CNTNAP4: variants seen among roughly 807,000 people sequenced by gnomAD.
The protein encoded by CNTNAP4 is contactin-associated protein-like 4.
In CNTNAP4, 98 loss-of-function variants were observed where a neutral mutation model predicts 148.4. The ratio of observed to expected loss-of-function variants is 0.66; its 90% CI spans 0.56 to 0.78. The LOEUF (loss-of-function observed/expected upper bound fraction) is 0.78. Ranked by LOEUF, CNTNAP4 falls within the 30% of genes least tolerant of loss-of-function variation. The probability of loss-of-function intolerance (pLI) is 0.00; values close to 1 mark genes in which losing one functional copy is unlikely to be tolerated. For synonymous variants in CNTNAP4, 730 were observed against 565.1 expected (o/e 1.29, Z -4.14); for missense variants, 1,935 against 1,565.6 (o/e 1.24, Z -3.98).
At chr16:76,522,687 C>CTTTCTTTTCT (rs71378619) in intron 17 of CNTNAP4, among the ~76,000 whole-genome samples, 1,048 of 29,740 alleles carry the variant, frequency 0.035, 66 homozygotes, top group Middle Eastern at 0.053. Context: ...TCTTTCTCTC[C>CTTTCTTTTCT]TTTCTTTTCT....
intron 3 of CNTNAP4, among the ~76,000 whole-genome samples, chr16:76,395,895 A>G (rs1041157983): frequency 2.0e-5 from 3 of 151,002 alleles, no homozygotes; most frequent in Non-Finnish European, 4.4e-5. Flanking sequence ...TGGCCGGTTA[A>G]TTTTTGTATT....
chr16:76,306,070 C>T (rs1289666956), intron 1 of CNTNAP4, among the ~76,000 whole-genome samples: 1 of 152,148 alleles, frequency 6.6e-6, no homozygotes, highest in African/African-American at 2.4e-5. Context: ...CTGGTGGGCA[C>T]CTCGATTGAT....
At chr16:76,553,002 T>A (rs148686451) in intron 21 of CNTNAP4, among the ~76,000 whole-genome samples, 109 of 152,326 alleles carry the variant, frequency 7.2e-4, no homozygotes, top group African/African-American at 2.5e-3. Context: ...CATGACACCC[T>A]CATCACTTCT....
intron 3 of CNTNAP4, among the ~76,000 whole-genome samples, chr16:76,356,613 C>A (rs551964020): frequency 5.3e-4 from 81 of 152,160 alleles, no homozygotes; most frequent in African/African-American, 1.9e-3. Flanking sequence ...CTTATGTGGG[C>A]TAAGAACAAT....
rs182139384 is a variant in CNTNAP4, at chr16:76,494,787, A to C, written c.2081-123A>C. ...TACTGTTTTGCATATCCTTAAATCC[A>C]ATCAATCTTTCTCCTTTTCTCCTTT... is the stretch of plus-strand genomic sequence containing the variant. On this transcript the variant is annotated intron_variant, in intron 13 of 23. Coordinates refer to ENST00000611870, the MANE Select transcript of CNTNAP4 (RefSeq NM_033401.5). 1.8e-3 allele frequency: 1,872 copies of C among 1,067,268 alleles called. 2 individuals are homozygous for C. Among genetic ancestry groups the C allele is most frequent in the Non-Finnish European group, 2.2e-3 (1,626 of 736,588 alleles). 66.1% of individuals were successfully genotyped at this position (1,067,268 alleles called of 1,614,324 possible).
intron 3 of CNTNAP4, among the ~76,000 whole-genome samples, chr16:76,374,952 A>G (rs946362737): frequency 1.3e-5 from 2 of 151,798 alleles, no homozygotes; most frequent in African/African-American, 4.8e-5. Context: ...CTTTTTTAGT[A>G]GAGATGGGGT....
intron 1 of CNTNAP4, among the ~76,000 whole-genome samples, chr16:76,303,457 C>G (rs534725045): frequency 6.6e-6 from 1 of 152,088 alleles, no homozygotes; most frequent in Non-Finnish European, 1.5e-5. Flanking sequence ...ACTCAATTTT[C>G]CCTCCAGGAA....
At chr16:76,367,193 A>G (rs967762596) in intron 3 of CNTNAP4, among the ~76,000 whole-genome samples, 6 of 152,020 alleles carry the variant, frequency 3.9e-5, no homozygotes, top group Non-Finnish European at 8.8e-5. Flanking sequence ...TACATATTTA[A>G]GGAAATATGT....
chr16:76,300,885 G>T (rs879303113), intron 1 of CNTNAP4, among the ~76,000 whole-genome samples: 1 of 151,946 alleles, frequency 6.6e-6, no homozygotes, highest in African/African-American at 2.4e-5. Flanking sequence ...GGATGTCAAG[G>T]AAGGGGTATC....
rs2082888591 is a variant in CNTNAP4 at position 76,507,942 on chromosome 16, A to G, written c.2365+9248A>G. ...CCTAATTCTTTTACCAAACCCTTTCACACTCAGATTAAAACTCTTCCACCA... is the reference window on the plus strand; with the variant it reads ...CCTAATTCTTTTACCAAACCCTTTCGCACTCAGATTAAAACTCTTCCACCA... On this transcript the variant is annotated intron_variant, in intron 15 of 23. Transcript: ENST00000611870. Among the ~76,000 whole-genome samples, 2 of 97,144 alleles carry G rather than the reference A, an allele frequency of 2.1e-5. 1 individual carries two copies. Among genetic ancestry groups the G allele is most frequent in the South Asian group, 8.2e-4 (2 of 2,426 alleles). 63.7% of individuals were successfully genotyped at this position (97,144 alleles called of 152,430 possible).
chr16:76,335,135 TGTGAA>T (rs1193416764), intron 2 of CNTNAP4, among the ~76,000 whole-genome samples: 1 of 152,086 alleles, frequency 6.6e-6, no homozygotes, highest in Non-Finnish European at 1.5e-5. Context: ...CATTGTAATG[TGTGAA>T]GTGATCAGTA....
chr16:76,431,740 T>C (rs2079614365), intron 4 of CNTNAP4, among the ~76,000 whole-genome samples: 1 of 152,186 alleles, frequency 6.6e-6, no homozygotes, highest in South Asian at 2.1e-4. Flanking sequence ...CAAGATATCT[T>C]GGTCATTGTA....
At chr16:76,314,569 A>G (rs183291097) in intron 1 of CNTNAP4, among the ~76,000 whole-genome samples, 4 of 152,352 alleles carry the variant, frequency 2.6e-5, no homozygotes, top group African/African-American at 7.2e-5. Flanking sequence ...ATCAATGAAT[A>G]TCTTTAAAGC....
At chr16:76,382,015 C>T (rs1303608896) in intron 3 of CNTNAP4, among the ~76,000 whole-genome samples, 3 of 132,536 alleles carry the variant, frequency 2.3e-5, no homozygotes, top group South Asian at 2.5e-4. Flanking sequence ...GAGCTGAGAT[C>T]GCGCCACTGC....
chr16:76,519,059 G>A (rs1397876263), intron 15 of CNTNAP4, among the ~76,000 whole-genome samples: 2 of 152,066 alleles, frequency 1.3e-5, no homozygotes, highest in African/African-American at 2.4e-5. Flanking sequence ...TTAGCACAGG[G>A]GGTAAAGGGC....
chr16:76,468,196 T>C (rs1209408792), intron 10 of CNTNAP4, among the ~76,000 whole-genome samples: 1 of 152,060 alleles, frequency 6.6e-6, no homozygotes, highest in Admixed American at 6.6e-5. Flanking sequence ...TATTTTTGGC[T>C]GGCGCAGTGG....
intron 1 of CNTNAP4, among the ~76,000 whole-genome samples, chr16:76,289,381 T>C (rs1959019273): frequency 6.6e-6 from 1 of 152,212 alleles, no homozygotes; most frequent in Non-Finnish European, 1.5e-5. Flanking sequence ...AAGACTTTTC[T>C]CATTCACATA....
In CNTNAP4 at chr16:76,355,328, C is replaced by A; in HGVS notation, c.207C>A (p.Gly69=). The A allele has an allele frequency of 6.5e-7, 1 of 1,541,218 alleles. No homozygotes were observed. The highest frequency in any genetic ancestry group is 2.1e-5 in the Admixed American group (1 of 48,368). Residue 69 remains glycine (G), a synonymous_variant, in exon 3 of 24, where the codon GGC becomes GGA. Transcript: ENST00000611870. The part of the protein sequence containing the change: ...ARLNRRDGAG[G]WSPLVSNKYQ... ...TATTTTTAATAAAAGGAGCTGGTGG[C>A]TGGTCTCCACTTGTGTCTAACAAAT...
At chr16:76,357,096 C>T (rs980923832) in intron 3 of CNTNAP4, among the ~76,000 whole-genome samples, 1 of 151,104 alleles carries the variant, frequency 6.6e-6, no homozygotes, top group South Asian at 2.1e-4. Context: ...AAACTCCAAA[C>T]ACTGGGTATT....
Sources: allele counts gnomAD v4.1 joint callset (sites outside exome capture counted in the v4.1 genomes callset), GRCh38; gene constraint gnomAD v4.1.1; transcripts MANE v1.5; gene names NCBI Gene and HGNC (gene_info 2026-07-23, HGNC 2026-07-21).